TAFA1: variants seen among roughly 807,000 people sequenced by gnomAD.
The protein encoded by TAFA1 is TAFA chemokine like family member 1.
In TAFA1, 4 loss-of-function variants were observed where a neutral mutation model predicts 18.5. That is an observed-to-expected ratio of 0.22 (90% CI 0.11 to 0.49). The LOEUF is 0.49. TAFA1 is among the 20% of genes least tolerant of loss of function. The pLI, the probability that TAFA1 is intolerant of heterozygous loss-of-function variation, is 0.98. For synonymous variants in TAFA1, 56 were observed against 55.2 expected (o/e 1.01, Z -0.06); for missense variants, 147 against 169.0 (o/e 0.87, Z 0.72).
chr3:68,180,229 A>C (rs1004247320), intron 2 of TAFA1, among the ~76,000 whole-genome samples: 1 of 151,270 alleles, frequency 6.6e-6, no homozygotes, highest in East Asian at 2.0e-4. Context: ...TAGTAGAGAC[A>C]GTCTTTCACT....
Position 68,122,325 on chromosome 3 carries a change from C to T in TAFA1, c.118+115581C>T, listed in dbSNP as rs181461524. ...TGACACCAACACTAGGAGAAGTGACCCCTGCAATGTACAAATTTCAAAATG... is the reference window on the plus strand; with the variant it reads ...TGACACCAACACTAGGAGAAGTGACTCCTGCAATGTACAAATTTCAAAATG... On this transcript the variant is annotated intron_variant, in intron 2 of 4. Coordinates refer to ENST00000478136, the MANE Select transcript of TAFA1 (RefSeq NM_213609.4). Among the ~76,000 whole-genome samples the T allele has an allele frequency of 1.1e-4, 16 of 152,164 alleles. No individual in the cohort carries two copies. In the East Asian group the frequency reaches 2.7e-3, roughly 26 times the overall value.
intron 2 of TAFA1, among the ~76,000 whole-genome samples, chr3:68,162,283 TG>T (rs1450867914): frequency 6.6e-6 from 1 of 152,102 alleles, no homozygotes; most frequent in Non-Finnish European, 1.5e-5. Flanking sequence ...TTTCCACAGA[TG>T]GGGTTGGGGG....
At chr3:68,026,560 T>A (rs1376607787) in intron 2 of TAFA1, among the ~76,000 whole-genome samples, 1 of 152,064 alleles carries the variant, frequency 6.6e-6, no homozygotes, top group African/African-American at 2.4e-5. Context: ...CATATATACA[T>A]CTGTATATAT....
intron 2 of TAFA1, among the ~76,000 whole-genome samples, chr3:68,359,053 A>G (rs1247746626): frequency 5.3e-5 from 8 of 152,052 alleles, no homozygotes; most frequent in Non-Finnish European, 7.4e-5. Context: ...TTTGTTTGAC[A>G]TCATAAGCTT....
rs117001818 is a variant in TAFA1 at position 68,017,906 on chromosome 3, T to C, written c.118+11162T>C. Among the ~76,000 whole-genome samples, 22 of 152,246 alleles carry C rather than the reference T, an allele frequency of 1.4e-4. 1 individual carries two copies. In the East Asian group the frequency reaches 4.3e-3, roughly 30 times the overall value. On this transcript the variant is annotated intron_variant, in intron 2 of 4. Transcript: ENST00000478136. Reference sequence around the variant, plus strand: ...GCAATTCATTCTGAGCAGAGAAGATTTGGGAAGCCCTCATGAAGGAGGTGA... The same window carrying C: ...GCAATTCATTCTGAGCAGAGAAGATCTGGGAAGCCCTCATGAAGGAGGTGA...
In TAFA1 at chr3:68,468,268, TA is replaced by T. The variant is rs200029121; in HGVS notation, c.259+50856del. On this transcript the variant is annotated intron_variant, in intron 3 of 4. Coordinates refer to ENST00000478136, the MANE Select transcript of TAFA1 (RefSeq NM_213609.4). ...TTATTCACACCATAATATTAGAAGG[TA>T]AAAAAAATGTTAATTGATGGTACCT... Among the ~76,000 whole-genome samples, 737 of 152,052 alleles carry T rather than the reference TA, an allele frequency of 4.8e-3. 6 individuals are homozygous for T. Among genetic ancestry groups the T allele is most frequent in the African/African-American group, 0.017 (715 of 41,498 alleles).
intron 2 of TAFA1, among the ~76,000 whole-genome samples, chr3:68,093,962 A>C (rs1339798932): frequency 6.6e-6 from 1 of 151,962 alleles, no homozygotes; most frequent in Non-Finnish European, 1.5e-5. Flanking sequence ...CAATTTACAT[A>C]TATTTTTCTC....
intron 2 of TAFA1, among the ~76,000 whole-genome samples, chr3:68,171,154 A>G (rs913492525): frequency 2.0e-5 from 3 of 152,164 alleles, no homozygotes; most frequent in African/African-American, 2.4e-5. Context: ...GATGGGCCCA[A>G]TGTAATCACA....
At chr3:68,408,407 T>C (rs978672547) in intron 2 of TAFA1, among the ~76,000 whole-genome samples, 10 of 152,172 alleles carry the variant, frequency 6.6e-5, no homozygotes, top group Non-Finnish European at 1.3e-4. Flanking sequence ...AAATCCCAAG[T>C]TGATTTCTCT....
At chr3:68,049,993 G>T (rs950052681) in intron 2 of TAFA1, among the ~76,000 whole-genome samples, 2 of 152,106 alleles carry the variant, frequency 1.3e-5, no homozygotes, top group African/African-American at 4.8e-5. Flanking sequence ...TCTGGAGCTA[G>T]ATGTCCTGGC....
intron 2 of TAFA1, among the ~76,000 whole-genome samples, chr3:68,131,510 C>G (rs1246399980): frequency 6.6e-6 from 1 of 152,218 alleles, no homozygotes; most frequent in Non-Finnish European, 1.5e-5. Context: ...TGCTTCAGCT[C>G]TTCTTCAAAC....
rs868640262 is a variant in TAFA1 at position 68,033,379 on chromosome 3, T to C, written c.118+26635T>C. Among the ~76,000 whole-genome samples the C allele has an allele frequency of 5.3e-5, 8 of 152,340 alleles. No individual in the cohort carries two copies. In the South Asian group the frequency reaches 8.3e-4, roughly 16 times the overall value. On this transcript the variant is annotated intron_variant, in intron 2 of 4. Transcript: ENST00000478136. Reference sequence around the variant, plus strand: ...TCTACCTCAAAAAAGTCATTTATCTTTATATCCTTTAGGAGCATTGGATTA... The same window carrying C: ...TCTACCTCAAAAAAGTCATTTATCTCTATATCCTTTAGGAGCATTGGATTA...
chr3:68,269,304 A>C (rs756993829), intron 2 of TAFA1, among the ~76,000 whole-genome samples: 7 of 151,790 alleles, frequency 4.6e-5, no homozygotes, highest in Non-Finnish European at 1.0e-4. Flanking sequence ...TTCTTTTTTA[A>C]AACTAGCTAG....
At chr3:68,434,364 G>T (rs1449337894) in intron 3 of TAFA1, among the ~76,000 whole-genome samples, 1 of 152,130 alleles carries the variant, frequency 6.6e-6, no homozygotes, top group Admixed American at 6.6e-5. Flanking sequence ...CTTGTTACAA[G>T]CAGTAGAAGA....
chr3:68,088,146 T>G (rs1469872493), intron 2 of TAFA1, among the ~76,000 whole-genome samples: 1 of 152,186 alleles, frequency 6.6e-6, no homozygotes, highest in African/African-American at 2.4e-5. Context: ...ATTAAAATAT[T>G]TTACATAAAT....
intron 2 of TAFA1, among the ~76,000 whole-genome samples, chr3:68,351,983 A>C (rs1474473585): frequency 1.3e-5 from 2 of 151,810 alleles, no homozygotes; most frequent in Non-Finnish European, 2.9e-5. Flanking sequence ...AGCAAGTTCT[A>C]TTCTTCCACA....
At chr3:68,100,194 A>T (rs1232145649) in intron 2 of TAFA1, among the ~76,000 whole-genome samples, 3 of 152,142 alleles carry the variant, frequency 2.0e-5, no homozygotes, top group African/African-American at 7.2e-5. Context: ...AGCTATAAAC[A>T]TGTAGAAAGG....
intron 2 of TAFA1, among the ~76,000 whole-genome samples, chr3:68,198,769 T>C (rs902214656): frequency 6.6e-6 from 1 of 151,560 alleles, no homozygotes; most frequent in Non-Finnish European, 1.5e-5. Flanking sequence ...TGAGTAACAG[T>C]CCTTTATCAG....
At chr3:68,390,899 G>A (rs2070225928) in intron 2 of TAFA1, among the ~76,000 whole-genome samples, 1 of 152,064 alleles carries the variant, frequency 6.6e-6, no homozygotes, top group South Asian at 2.1e-4. Context: ...ACGAAGAAGG[G>A]GAAAAAGCAG....
Sources: allele counts gnomAD v4.1 joint callset (sites outside exome capture counted in the v4.1 genomes callset), GRCh38; gene constraint gnomAD v4.1.1; transcripts MANE v1.5; gene names NCBI Gene and HGNC (gene_info 2026-07-23, HGNC 2026-07-21).